MLIP: variants seen among roughly 807,000 people sequenced by gnomAD.
MLIP encodes muscular LMNA-interacting protein.
In MLIP, 79 loss-of-function variants were observed where a neutral mutation model predicts 84.8. That is an observed-to-expected ratio of 0.93 (90% CI 0.78 to 1.12). The LOEUF (loss-of-function observed/expected upper bound fraction) is 1.12, where lower values mean the gene tolerates loss of function less well. Ranked by LOEUF, MLIP falls within the 50% of genes most tolerant of loss-of-function variation. The probability of loss-of-function intolerance (pLI) is 0.00; values close to 1 mark genes in which losing one functional copy is unlikely to be tolerated. For synonymous variants in MLIP, 504 were observed against 463.0 expected (o/e 1.09, Z -1.14); for missense variants, 1,257 against 1,160.6 (o/e 1.08, Z -1.21).
At position 54,124,552 on chromosome 6, in the gene MLIP, A is replaced by G. The variant is rs1040076006; in HGVS notation, c.332A>G (p.Glu111Gly). 44 of 1,614,088 alleles carry G rather than the reference A, an allele frequency of 2.7e-5. No homozygotes were observed. Among genetic ancestry groups the G allele is most frequent in the Non-Finnish European group, 3.6e-5 (42 of 1,180,034 alleles). ...RDQAKLTCPS[E>G]VSGTILQERE... ...CAAGCGAAATTGACTTGTCCTTCAG[A>G]GGTCAGTGGAACGATTTTACAAGAA... The change falls in exon 3 of 14, where the codon GAG (glutamate) becomes GGG (glycine). Residue 111 changes from glutamate (E) to glycine (G), a missense_variant. By Grantham distance (98) the Glu-to-Gly change is moderately conservative (BLOSUM62 -2). Transcript: ENST00000502396.
At chr6:54,265,845 T>A (rs12198031) in intron 13 of MLIP, 105 bp from the exon 14 acceptor site, 121,938 of 1,073,176 alleles carry the variant, frequency 0.11, 7,652 homozygotes, top group African/African-American at 0.19. Flanking sequence ...TATAAACCAT[T>A]TTTTTGTAGG....
At chr6:54,042,169 G>T (rs1561886160) in intron 1 of MLIP, among the ~76,000 whole-genome samples, 1 of 152,104 alleles carries the variant, frequency 6.6e-6, no homozygotes, top group African/African-American at 2.4e-5. Flanking sequence ...AACAGCCTAT[G>T]CAATTTTTGG....
At chr6:54,199,895 G>A (rs17681524) in intron 10 of MLIP, among the ~76,000 whole-genome samples, 4,137 of 152,146 alleles carry the variant, frequency 0.027, 67 homozygotes, top group Middle Eastern at 0.061. Context: ...ATAGAATGAG[G>A]AAGACTCAGA....
chr6:54,103,178 A>G (rs546363361), intron 1 of MLIP, among the ~76,000 whole-genome samples: 2 of 152,124 alleles, frequency 1.3e-5, no homozygotes, highest in South Asian at 2.1e-4. Flanking sequence ...TAAGCCCCTC[A>G]TCTTGTCCCA....
chr6:54,031,294 A>AT (rs1764120435), intron 1 of MLIP: 2 of 152,120 alleles, frequency 1.3e-5, no homozygotes, highest in African/African-American at 4.8e-5. Flanking sequence ...TCAGAGAGGA[A>AT]TGCAAGGCCA....
chr6:54,034,109 C>T (rs936211933), intron 1 of MLIP, among the ~76,000 whole-genome samples: 1 of 152,066 alleles, frequency 6.6e-6, no homozygotes, highest in African/African-American at 2.4e-5. Flanking sequence ...TTTTTGGGGA[C>T]CTACTTTGTT....
chr6:54,133,496 C>A (rs142553891), intron 3 of MLIP, among the ~76,000 whole-genome samples: 109 of 152,274 alleles, frequency 7.2e-4, no homozygotes, highest in Non-Finnish European at 1.2e-3. Flanking sequence ...CAACTATATA[C>A]GATCCACATC....
chr6:54,099,316 AAAGAAAG>A (rs571353314), intron 1 of MLIP, among the ~76,000 whole-genome samples: 11 of 152,158 alleles, frequency 7.2e-5, no homozygotes, highest in African/African-American at 2.4e-4. Context: ...ATGTCTCCAA[AAAGAAAG>A]AAGGCTTTCT....
intron 2 of MLIP, among the ~76,000 whole-genome samples, chr6:54,123,992 CTA>C (rs1318538900): frequency 1.3e-5 from 2 of 152,146 alleles, no homozygotes; most frequent in Non-Finnish European, 2.9e-5. Context: ...TTTTGTCTGA[CTA>C]TGCATTTTGC....
chr6:54,089,456 T>C (rs1421627769), intron 1 of MLIP, among the ~76,000 whole-genome samples: 1 of 152,122 alleles, frequency 6.6e-6, no homozygotes, highest in East Asian at 1.9e-4. Flanking sequence ...GTACAGAATG[T>C]CGCTCAATAT....
At chr6:54,076,423 T>A (rs1370165807) in intron 1 of MLIP, among the ~76,000 whole-genome samples, 2 of 152,238 alleles carry the variant, frequency 1.3e-5, no homozygotes, top group Admixed American at 1.3e-4. Context: ...TCTTCACTGC[T>A]CTTCCTTCCA....
intron 11 of MLIP, chr6:54,215,154 G>A (rs998493740): frequency 4.6e-6 from 7 of 1,535,154 alleles, no homozygotes; most frequent in Non-Finnish European, 6.1e-6. Flanking sequence ...CACATTCTGT[G>A]GACTCCTACT....
chr6:54,087,292 G>GGTAT (rs2150365710), intron 1 of MLIP, among the ~76,000 whole-genome samples: 2 of 152,226 alleles, frequency 1.3e-5, no homozygotes, highest in South Asian at 4.1e-4. Flanking sequence ...ATCTGCCTTA[G>GGTAT]GTATGTAAAC....
At chr6:54,147,412 C>T (rs940672093) in intron 4 of MLIP, among the ~76,000 whole-genome samples, 2 of 152,160 alleles carry the variant, frequency 1.3e-5, no homozygotes, top group Non-Finnish European at 2.9e-5. Context: ...TTTCAAATAT[C>T]TTGTTGTCTA....
At chr6:54,252,759 A>G (rs1223947511) in intron 12 of MLIP, among the ~76,000 whole-genome samples, 1 of 151,908 alleles carries the variant, frequency 6.6e-6, no homozygotes, top group African/African-American at 2.4e-5. Context: ...AGTTCAAGAG[A>G]AACCAGAAAA....
intron 10 of MLIP, among the ~76,000 whole-genome samples, chr6:54,198,288 A>C (rs1443309135): frequency 6.6e-6 from 1 of 152,114 alleles, no homozygotes; most frequent in Non-Finnish European, 1.5e-5. Context: ...TCTAAGGGTC[A>C]AAGTGCTAGC....
chr6:54,019,170 G>C (rs970715677), intron 1 of MLIP: 6 of 1,470,120 alleles, frequency 4.1e-6, no homozygotes, highest in Non-Finnish European at 5.6e-6. Context: ...GACTGGAAAA[G>C]TTGTGCTAGC....
intron 12 of MLIP, among the ~76,000 whole-genome samples, chr6:54,236,534 G>T (rs149749244): frequency 6.6e-6 from 1 of 152,092 alleles, no homozygotes; most frequent in Non-Finnish European, 1.5e-5. Context: ...CCCCGGAGGC[G>T]GAGGTTGCAG....
intron 1 of MLIP, among the ~76,000 whole-genome samples, chr6:54,059,858 A>G (rs1765866660): frequency 6.6e-6 from 1 of 152,240 alleles, no homozygotes; most frequent in African/African-American, 2.4e-5. Flanking sequence ...TAATCACTCT[A>G]TTATACTGGC....
Sources: allele counts gnomAD v4.1 joint callset (sites outside exome capture counted in the v4.1 genomes callset), GRCh38; gene constraint gnomAD v4.1.1; transcripts MANE v1.5; gene names NCBI Gene and HGNC (gene_info 2026-07-23, HGNC 2026-07-21).